COL28A1: variants seen among roughly 807,000 people sequenced by gnomAD.
The protein encoded by COL28A1 is collagen type XXVIII alpha 1 chain.
COL28A1 carries 161 observed loss-of-function variants against 150.2 expected under a neutral mutation model. That is an observed-to-expected ratio of 1.07 (90% confidence interval 0.94 to 1.22). The LOEUF (loss-of-function observed/expected upper bound fraction) is 1.22. Among genes scored for constraint, COL28A1 ranks in the 50% most tolerant of loss-of-function variants. The pLI is 0.00. For missense variants in COL28A1, 1,617 were observed against 1,388.3 expected (o/e 1.16, Z -2.62); for synonymous variants, 552 against 469.7 (o/e 1.18, Z -2.26).
At chr7:7,372,967 C>T (rs1460063970) in intron 32 of COL28A1, 31 bp downstream of exon 32, 1 of 1,578,116 alleles carries the variant, frequency 6.3e-7, no homozygotes, top group Non-Finnish European at 8.6e-7. Context: ...AACATAAATG[C>T]CTTTCCCCTG....
In COL28A1 at chr7:7,474,671, T is replaced by C; in HGVS notation, c.1234-2A>G. The C allele has an allele frequency of 1.5e-6, 2 of 1,329,730 alleles. No individual in the cohort carries two copies. The highest frequency in any genetic ancestry group is 2.2e-6 in the Non-Finnish European group (2 of 920,488). 82.4% of individuals were successfully genotyped at this position (1,329,730 alleles called of 1,614,324 possible). On this transcript the variant is annotated splice_acceptor_variant, in intron 14 of 34. Coordinates refer to ENST00000399429, the MANE Select transcript of COL28A1 (RefSeq NM_001037763.3). LOFTEE classifies it high-confidence loss of function. ...TGGTCCTTCAGAACCTTTTTCACCC[T>C]GAAAGTACAAGGGAGGGATATCAAT...
rs60445508 is a variant in COL28A1 at position 7,506,206 on chromosome 7, C to T, written c.973-139G>A. 5,412 of 582,380 alleles carry T rather than the reference C, an allele frequency of 9.3e-3. 215 individuals carry two copies. Among genetic ancestry groups the T allele is most frequent in the African/African-American group, 0.091 (4,865 of 53,244 alleles). 36.1% of individuals were successfully genotyped at this position (582,380 alleles called of 1,614,324 possible). On this transcript the variant is annotated intron_variant, in intron 10 of 34. Transcript: ENST00000399429. ...GAGCTAAATTGAAATCACATTCAAT[C>T]GAGAAGTGGGATGAGATAAAATTTC...
rs1562670058 is a variant in COL28A1, at chr7:7,444,364, T to C, written c.1581+54A>G. 3 of 1,608,158 alleles carry C rather than the reference T, an allele frequency of 1.9e-6. No individual in the cohort carries two copies. The East Asian group carries it at 6.7e-5, about 36-fold the overall frequency. ...TATTCGAGCTCCTGCAGGACCAAGA[T>C]ATCAGTTTGGTTCAACAGTTCCTAC... is the stretch of plus-strand genomic sequence containing the variant. On this transcript the variant is annotated intron_variant, in intron 19 of 34. Transcript: ENST00000399429.
At chr7:7,473,955 T>C (rs572202632) in intron 15 of COL28A1, among the ~76,000 whole-genome samples, 1 of 148,852 alleles carries the variant, frequency 6.7e-6, no homozygotes, top group South Asian at 2.1e-4. Flanking sequence ...GTATACTATA[T>C]ATACAGTATA....
chr7:7,502,299 T>C (rs1296239964), intron 11 of COL28A1, among the ~76,000 whole-genome samples: 1 of 152,224 alleles, frequency 6.6e-6, no homozygotes, highest in African/African-American at 2.4e-5. Flanking sequence ...CTATGTTTTG[T>C]TGCTAAGGCA....
At chr7:7,483,429 C>T (rs1003894648) in intron 13 of COL28A1, among the ~76,000 whole-genome samples, 3 of 152,156 alleles carry the variant, frequency 2.0e-5, no homozygotes, top group African/African-American at 7.2e-5. Context: ...ATCTTGTCTG[C>T]TTGGCTTGGG....
intron 25 of COL28A1, among the ~76,000 whole-genome samples, chr7:7,426,267 T>TG (rs1395437540): frequency 6.6e-6 from 1 of 152,208 alleles, no homozygotes; most frequent in Non-Finnish European, 1.5e-5. Context: ...TCTTTCTTTC[T>TG]GGTTTTTAAA....
At chr7:7,515,143 T>G (rs533347100) in intron 8 of COL28A1, among the ~76,000 whole-genome samples, 5 of 152,190 alleles carry the variant, frequency 3.3e-5, no homozygotes, top group Admixed American at 3.3e-4. Context: ...CTGATTCAGA[T>G]AGAAAATCTG....
chr7:7,460,754 G>T (rs1787550163), intron 15 of COL28A1, among the ~76,000 whole-genome samples: 1 of 152,250 alleles, frequency 6.6e-6, no homozygotes, highest in Admixed American at 6.5e-5. Context: ...ATTCAAAGCT[G>T]CTTTGCTGAT....
chr7:7,542,671 T>C, the COL28A1 span, among the ~76,000 whole-genome samples: 1 of 152,206 alleles, frequency 6.6e-6, no homozygotes, highest in Non-Finnish European at 1.5e-5. Flanking sequence ...AAACTTTATC[T>C]TGAAAGCAAC....
chr7:7,508,719 T>C lies in COL28A1; in HGVS notation c.928-1558A>G, dbSNP rs1022795353. ...TTGTTTGAGACAGGGTCTTGCTCTG[T>C]TGCCCAGGCTGGAGTAGCTCACTGC... On this transcript the variant is annotated intron_variant, in intron 9 of 34. Coordinates refer to ENST00000399429, the MANE Select transcript of COL28A1 (RefSeq NM_001037763.3). 2.6e-5 allele frequency among the ~76,000 whole-genome samples: 4 copies of C among 152,206 alleles called. No homozygotes were observed. In the East Asian group the frequency reaches 5.8e-4, roughly 22 times the overall value.
Position 7,459,088 on chromosome 7 carries a change from A to T in COL28A1, c.1303-2976T>A, listed in dbSNP as rs1242428033. Among the ~76,000 whole-genome samples the T allele has an allele frequency of 2.0e-5, 3 of 152,376 alleles. No homozygotes were observed. In the East Asian group the frequency reaches 5.8e-4, roughly 29 times the overall value. ...AGGAAAAAGAAGATGGTATTGAGGG[A>T]ACAGCAGATAAAAGCTTTGCTATGT... On this transcript the variant is annotated intron_variant, in intron 15 of 34. Transcript: ENST00000399429.
downstream of COL28A1, among the ~76,000 whole-genome samples, chr7:7,357,401 C>T (rs1780392959): frequency 6.6e-6 from 1 of 152,116 alleles, no homozygotes; most frequent in African/African-American, 2.4e-5. Context: ...TGGCTCAAGC[C>T]TGTAATCTCA....
At chr7:7,422,017 C>G (rs776244518) in intron 25 of COL28A1, among the ~76,000 whole-genome samples, 25 of 152,140 alleles carry the variant, frequency 1.6e-4, no homozygotes, top group Non-Finnish European at 3.1e-4. Context: ...CATTAGCACT[C>G]CTTTCTTGAG....
Position 7,375,503 on chromosome 7 carries a change from G to A in COL28A1, c.2323-6C>T, listed in dbSNP as rs1297612224. ...AGTTTGATAATTTCTTCTTTCTAGG[G>A]GATAAAAAGAAAAATGTATTACTAT... On this transcript the variant is annotated splice_polypyrimidine_tract_variant and splice_region_variant and intron_variant, in intron 30 of 34. Transcript: ENST00000399429. The A allele has an allele frequency of 1.3e-6, 2 of 1,521,378 alleles. No homozygotes were observed. Among genetic ancestry groups the A allele is most frequent in the Non-Finnish European group, 1.8e-6 (2 of 1,107,640 alleles). The allele number at this position is 1,521,378 out of a possible 1,614,324, so 94.2% of individuals were successfully genotyped here. A position where few individuals can be genotyped will look rare whatever the true frequency, so the allele number is the denominator to read the frequency against.
At chr7:7,425,544 C>T (rs373822671) in intron 25 of COL28A1, among the ~76,000 whole-genome samples, 10 of 152,248 alleles carry the variant, frequency 6.6e-5, no homozygotes, top group African/African-American at 2.4e-4. Context: ...CTTGGTTTTG[C>T]GGTTTACTCC....
In COL28A1 at chr7:7,476,695, T is replaced by G. The variant is rs981090524; in HGVS notation, c.1233+417A>C. On this transcript the variant is annotated intron_variant, in intron 14 of 34. Transcript: ENST00000399429. ...ATAACATTTTGTTTCTGTAGTAAAATTTTCTTTCTTATTATATTGATGGCA... is the reference window on the plus strand; with the variant it reads ...ATAACATTTTGTTTCTGTAGTAAAAGTTTCTTTCTTATTATATTGATGGCA... Among the ~76,000 whole-genome samples, 3 of 152,318 alleles carry G rather than the reference T, an allele frequency of 2.0e-5. No individual in the cohort carries two copies. In the East Asian group the frequency reaches 5.8e-4, roughly 29 times the overall value.
At chr7:7,536,692 C>A (rs998622342), upstream of COL28A1, among the ~76,000 whole-genome samples, 1 of 152,092 alleles carries the variant, frequency 6.6e-6, no homozygotes, top group Non-Finnish European at 1.5e-5. Flanking sequence ...CAAGATCATC[C>A]GAGAAAGCAA....
At chr7:7,421,571 A>C (rs906220894) in intron 25 of COL28A1, among the ~76,000 whole-genome samples, 1 of 152,218 alleles carries the variant, frequency 6.6e-6, no homozygotes, top group Admixed American at 6.5e-5. Flanking sequence ...GTTACCAGCT[A>C]AACAGCTTCC....
Sources: gnomAD v4.1 joint callset for allele counts (sites outside exome capture counted in the v4.1 genomes callset) on GRCh38, gnomAD v4.1.1 for gene constraint, MANE v1.5 for transcripts, NCBI Gene and HGNC (gene_info 2026-07-23, HGNC 2026-07-21) for gene names.